Variants in PRKAR1B observed in about 807,000 individuals in gnomAD.
The protein encoded by PRKAR1B is protein kinase cAMP-dependent type I regulatory subunit beta.
A neutral mutation model predicts 46.5 loss-of-function variants in PRKAR1B; 22 were observed. The ratio of observed to expected loss-of-function variants is 0.47; its 90% CI spans 0.34 to 0.68. The LOEUF is 0.68. PRKAR1B is among the 30% of genes least tolerant of loss of function. The pLI is 0.01. For missense variants in PRKAR1B, 445 were observed against 535.6 expected (o/e 0.83, Z 1.67); for synonymous variants, 259 against 217.7 (o/e 1.19, Z -1.67).
intron 9 of PRKAR1B, among the ~76,000 whole-genome samples, chr7:556,655 G>T (rs975731502): frequency 1.3e-5 from 2 of 152,224 alleles, no homozygotes; most frequent in Non-Finnish European, 2.9e-5. Context: ...GGCGCGGCTG[G>T]ACAGGAGGGG....
At chr7:663,178 C>A (rs1220060662) in intron 4 of PRKAR1B, among the ~76,000 whole-genome samples, 2 of 152,202 alleles carry the variant, frequency 1.3e-5, no homozygotes, top group African/African-American at 2.4e-5. Context: ...CTATCACACC[C>A]ATGAGACAAC....
chr7:711,848 G>A (rs1015152553), intron 1 of PRKAR1B, among the ~76,000 whole-genome samples: 4 of 151,616 alleles, frequency 2.6e-5, no homozygotes, highest in African/African-American at 7.3e-5. Flanking sequence ...GAGTGGGGGG[G>A]CCCGGCGCCC....
chr7:680,669 C>T lies in PRKAR1B; in HGVS notation c.235G>A (p.Asp79Asn). 1 of 1,613,764 alleles carries T rather than the reference C, an allele frequency of 6.2e-7. No individual in the cohort carries two copies. Among genetic ancestry groups the T allele is most frequent in the Non-Finnish European group, 8.5e-7 (1 of 1,179,938 alleles). ...GGGGGGGTGGGCGACACCTCCTCAT[C>T]ATGGGAGTCCGACTGTGAGTTTGAC... ...QKSNSQSDSH[D>N]EEVSPTPPNP... The change falls in exon 3 of 11, where the codon GAT (aspartate) becomes AAT (asparagine). Residue 79 changes from aspartate to asparagine, a missense_variant. Physicochemically the swap from Asp to Asn is conservative, Grantham distance 23. Around this residue, in one of 5 missense-constraint regions of PRKAR1B, gnomAD observed 155 missense variants for 127.5 expected, o/e 1.22. Coordinates refer to ENST00000537384, the MANE Select transcript of PRKAR1B (RefSeq NM_001164760.2).
chr7:727,279 T>G lies in PRKAR1B; in HGVS notation c.-92A>C. 1 of 1,312,224 alleles carries G rather than the reference T, an allele frequency of 7.6e-7. No individual in the cohort carries two copies. The highest frequency in any genetic ancestry group is 9.7e-7 in the Non-Finnish European group (1 of 1,034,818). The allele number at this position is 1,312,224 out of a possible 1,614,324, so 81.3% of individuals were successfully genotyped here. A position where few individuals can be genotyped will look rare whatever the true frequency, so the allele number is the denominator to read the frequency against. ...CTTCGCCGCCGTGCGCCGCGAGAGC[T>G]GCAGCTGCGCCGCCGCCCTGGCGCA... On this transcript the variant is annotated 5_prime_UTR_variant, in exon 1 of 11. Coordinates refer to ENST00000537384, the MANE Select transcript of PRKAR1B (RefSeq NM_001164760.2).
chr7:720,789 A>G (rs879769194), intron 1 of PRKAR1B, among the ~76,000 whole-genome samples: 7 of 152,234 alleles, frequency 4.6e-5, no homozygotes, highest in African/African-American at 1.2e-4. Flanking sequence ...TTATGTTTAC[A>G]TGATACTCTT....
chr7:591,654 A>G (rs1404476983), intron 7 of PRKAR1B, among the ~76,000 whole-genome samples: 1 of 152,220 alleles, frequency 6.6e-6, no homozygotes, highest in Non-Finnish European at 1.5e-5. Context: ...GTTTGAGACC[A>G]GCTTGGGCAA....
chr7:629,166 G>T (rs1229585986), intron 4 of PRKAR1B, among the ~76,000 whole-genome samples: 1 of 152,262 alleles, frequency 6.6e-6, no homozygotes, highest in Non-Finnish European at 1.5e-5. Flanking sequence ...AGAGTGAAAG[G>T]CACCGGGCTC....
Position 588,486 on chromosome 7 carries a change from G to T in PRKAR1B, c.709-3918C>A, listed in dbSNP as rs112068800. On this transcript the variant is annotated intron_variant, in intron 7 of 10. Transcript: ENST00000537384. ...GGTGGTGATGGTGATGGTGGTGATGGTGGTGAGGATAGTGACAGTGGTGAT... is the reference window on the plus strand; with the variant it reads ...GGTGGTGATGGTGATGGTGGTGATGTTGGTGAGGATAGTGACAGTGGTGAT... Among the ~76,000 whole-genome samples the T allele has an allele frequency of 2.3e-3, 206 of 90,804 alleles. 3 individuals carry two copies. The highest frequency in any genetic ancestry group is 0.014 in the Middle Eastern group (2 of 142). The allele number at this position is 90,804 out of a possible 152,430, so 59.6% of individuals were successfully genotyped here.
rs545193540 is a variant in PRKAR1B, at chr7:663,685, G to A, written c.440+13544C>T. On this transcript the variant is annotated intron_variant, in intron 4 of 10. Transcript: ENST00000537384. ...GTGGTCTGGGCAGCAGCGGTGGCCC[G>A]AAGCAGGTGGCCACAGCTCTCCGTG... Among the ~76,000 whole-genome samples the A allele has an allele frequency of 9.2e-5, 14 of 152,294 alleles. No homozygotes were observed. The South Asian group carries it at 1.0e-3, about 11-fold the overall frequency.
At chr7:559,950 C>T (rs376261032) in intron 9 of PRKAR1B, among the ~76,000 whole-genome samples, 2 of 152,076 alleles carry the variant, frequency 1.3e-5, no homozygotes, top group African/African-American at 4.8e-5. Context: ...TACCTGTGGT[C>T]CCAGCTACTC....
chr7:658,311 C>T (rs1785318818), intron 4 of PRKAR1B, among the ~76,000 whole-genome samples: 1 of 152,102 alleles, frequency 6.6e-6, no homozygotes, highest in African/African-American at 2.4e-5. Context: ...TGGTGCACAC[C>T]TGTAGTTCCA....
chr7:551,446 G>A lies in PRKAR1B; in HGVS notation c.916C>T (p.Arg306Trp), dbSNP rs1034557450. The A allele has an allele frequency of 6.4e-6, 10 of 1,558,578 alleles. No individual in the cohort carries two copies. The highest frequency in any genetic ancestry group is 8.7e-6 in the Non-Finnish European group (10 of 1,150,936). ...TEGTASVLQR[R>W]SPNEEYVEVG... is the part of the protein sequence containing the mutation. ...TCCACGTACTCCTCATTGGGGGACC[G>A]GCGCTGCAGCACGGACGCGGTGCCC... is the stretch of plus-strand genomic sequence containing the variant. Residue 306 changes from arginine (R) to tryptophan (W), a missense_variant, in exon 10 of 11, where the codon CGG (arginine) becomes TGG (tryptophan). By Grantham distance (101) the Arg-to-Trp change is moderately radical (BLOSUM62 -3). Transcript: ENST00000537384.
chr7:640,162 C>T (rs970255266), intron 4 of PRKAR1B, among the ~76,000 whole-genome samples: 6 of 142,122 alleles, frequency 4.2e-5, no homozygotes, highest in African/African-American at 1.3e-4. Flanking sequence ...GACTCCGTCT[C>T]GAAAAAAAAA....
In PRKAR1B at chr7:666,970, T is replaced by C. The variant is rs1271646988; in HGVS notation, c.440+10259A>G. On this transcript the variant is annotated intron_variant, in intron 4 of 10. Coordinates refer to ENST00000537384, the MANE Select transcript of PRKAR1B (RefSeq NM_001164760.2). This position sits in a 1 kb window ranked among gnomAD's most constrained non-coding sequence, Gnocchi z 4.9. ...GTGATGATGATGGCGGTGATGATGATGATGGTGATGATAAAGATGATGATG... is the reference window on the plus strand; with the variant it reads ...GTGATGATGATGGCGGTGATGATGACGATGGTGATGATAAAGATGATGATG... 6.6e-6 allele frequency among the ~76,000 whole-genome samples: 1 copy of C among 152,182 alleles called. No homozygotes were observed. Among genetic ancestry groups the C allele is most frequent in the Non-Finnish European group, 1.5e-5 (1 of 68,030 alleles).
chr7:579,212 C>A (rs547422966), intron 9 of PRKAR1B, 44 bp downstream of exon 9: 2 of 1,613,318 alleles, frequency 1.2e-6, no homozygotes, highest in Admixed American at 3.3e-5. Context: ...AGTGCCCCTG[C>A]CCCAGTGCAC....
intron 8 of PRKAR1B, among the ~76,000 whole-genome samples, chr7:582,368 G>A (rs1398360816): frequency 6.6e-6 from 1 of 152,264 alleles, no homozygotes; most frequent in Non-Finnish European, 1.5e-5. Flanking sequence ...CACGGCTTCA[G>A]GCTCATCCAG....
At chr7:643,475 C>T (rs1313678126) in intron 4 of PRKAR1B, among the ~76,000 whole-genome samples, 1 of 151,496 alleles carries the variant, frequency 6.6e-6, no homozygotes, top group Non-Finnish European at 1.5e-5. Flanking sequence ...GTAATCCCAG[C>T]ACTTTGGGAG....
chr7:676,098 G>GAATGAGATGC (rs891053994), intron 4 of PRKAR1B, among the ~76,000 whole-genome samples: 3 of 152,162 alleles, frequency 2.0e-5, no homozygotes, highest in African/African-American at 7.2e-5. Flanking sequence ...AAACAGGGTA[G>GAATGAGATGC]AATGAGATGC....
rs1780754663 is a variant in PRKAR1B, at chr7:713,318, T to TAGA, written c.-22-1792_-22-1791insTCT. On this transcript the variant is annotated intron_variant, in intron 1 of 10. Coordinates refer to ENST00000537384, the MANE Select transcript of PRKAR1B (RefSeq NM_001164760.2). ...CACACTCACCTGTCTACCCCCGGGG[T>TAGA]CCTCCACCCACCTGCCCAGCCCCCG... 1.4e-4 allele frequency: 22 copies of TAGA among 153,376 alleles called. No homozygotes were observed. In the South Asian group the frequency reaches 4.1e-3, roughly 29 times the overall value. The allele number at this position is 153,376 out of a possible 1,614,324, so 9.5% of individuals were successfully genotyped here.
Sources: allele counts gnomAD v4.1 joint callset (sites outside exome capture counted in the v4.1 genomes callset), GRCh38; gene constraint gnomAD v4.1.1; regional missense constraint gnomAD v4.1.1; non-coding constraint Gnocchi (gnomAD v3.1); transcripts MANE v1.5; gene names NCBI Gene and HGNC (gene_info 2026-07-23, HGNC 2026-07-21).